PIBF1: variants seen among roughly 807,000 people sequenced by gnomAD.
The protein encoded by PIBF1 is progesterone immunomodulatory binding factor 1, also known as progesterone-induced-blocking factor 1.
PIBF1 carries 90 observed loss-of-function variants against 112.5 expected under a neutral mutation model. That is an observed-to-expected ratio of 0.80 (90% confidence interval 0.67 to 0.95). PIBF1 has a LOEUF of 0.95. PIBF1 is among the 40% of genes least tolerant of loss of function. PIBF1 has a pLI of 0.00. For missense variants in PIBF1, 915 were observed against 852.3 expected (o/e 1.07, Z -0.92); for synonymous variants, 301 against 288.6 (o/e 1.04, Z -0.44).
intron 17 of PIBF1, among the ~76,000 whole-genome samples, chr13:73,009,457 C>G (rs1163562135): frequency 6.6e-6 from 1 of 152,152 alleles, no homozygotes; most frequent in Admixed American, 6.6e-5. Flanking sequence ...TTTATATCCC[C>G]AGAACCTAAC....
intron 10 of PIBF1, among the ~76,000 whole-genome samples, chr13:72,866,859 A>G (rs2038950454): frequency 6.6e-6 from 1 of 151,974 alleles, no homozygotes; most frequent in Admixed American, 6.6e-5. Context: ...ATGTTTATGC[A>G]TAATGTGTAT....
chr13:72,920,841 C>T (rs994672411), intron 13 of PIBF1, among the ~76,000 whole-genome samples: 2 of 151,846 alleles, frequency 1.3e-5, no homozygotes, highest in African/African-American at 4.8e-5. Flanking sequence ...AAACTTAAGG[C>T]GAATGATAAA....
At chr13:72,994,671 A>G (rs2043590290) in intron 16 of PIBF1, among the ~76,000 whole-genome samples, 1 of 152,208 alleles carries the variant, frequency 6.6e-6, no homozygotes, top group South Asian at 2.1e-4. Context: ...TCAAATGCAA[A>G]CAATGAGAGC....
At chr13:72,834,193 A>G (rs985899911) in intron 8 of PIBF1, among the ~76,000 whole-genome samples, 3 of 152,174 alleles carry the variant, frequency 2.0e-5, no homozygotes, top group Admixed American at 6.5e-5. Flanking sequence ...ATGGTATCGC[A>G]TTGTGTTTTA....
chr13:72,987,850 A>ATTTT (rs1160979996), intron 16 of PIBF1, among the ~76,000 whole-genome samples: 4 of 66,432 alleles, frequency 6.0e-5, no homozygotes, highest in South Asian at 5.5e-4. Context: ...TTATTTATTT[A>ATTTT]TTTATTTATT....
intron 6 of PIBF1, among the ~76,000 whole-genome samples, chr13:72,825,884 A>G (rs1411459595): frequency 1.3e-5 from 2 of 150,292 alleles, no homozygotes; most frequent in Non-Finnish European, 3.0e-5. Context: ...AGGGCAATAT[A>G]GCAAGACCGT....
chr13:72,866,233 A>C (rs972574372), intron 10 of PIBF1, among the ~76,000 whole-genome samples: 5 of 152,174 alleles, frequency 3.3e-5, no homozygotes, highest in Non-Finnish European at 7.3e-5. Context: ...GCTTAACTTA[A>C]TCACATCTAC....
chr13:72,913,045 G>A (rs2040948859), intron 12 of PIBF1, among the ~76,000 whole-genome samples: 1 of 151,416 alleles, frequency 6.6e-6, no homozygotes, highest in Admixed American at 6.6e-5. Flanking sequence ...AAAAATCAAG[G>A]GGTGGGGGTA....
At chr13:72,940,721 G>T (rs1046708895) in intron 14 of PIBF1, among the ~76,000 whole-genome samples, 2 of 152,104 alleles carry the variant, frequency 1.3e-5, no homozygotes, top group Non-Finnish European at 2.9e-5. Flanking sequence ...AGGGTTTATC[G>T]TAAGGCCAAT....
chr13:72,964,222 AAGCAGAC>A (rs2042680781), intron 14 of PIBF1, among the ~76,000 whole-genome samples: 1 of 152,250 alleles, frequency 6.6e-6, no homozygotes, highest in Non-Finnish European at 1.5e-5. Flanking sequence ...TAAGTGAAAT[AAGCAGAC>A]AGCAAAGGAC....
intron 14 of PIBF1, among the ~76,000 whole-genome samples, chr13:72,941,731 A>T (rs2042014729): frequency 6.6e-6 from 1 of 152,182 alleles, no homozygotes; most frequent in South Asian, 2.1e-4. Flanking sequence ...CATAGGTAAA[A>T]TAAAGTAGAC....
intron 14 of PIBF1, among the ~76,000 whole-genome samples, chr13:72,954,672 CTGG>C (rs1187560301): frequency 1.3e-5 from 2 of 152,198 alleles, no homozygotes; most frequent in Non-Finnish European, 2.9e-5. Context: ...AGTGTGTGTT[CTGG>C]TGGCTGAGTC....
chr13:72,929,664 G>C (rs1365840227), intron 13 of PIBF1, among the ~76,000 whole-genome samples: 1 of 151,936 alleles, frequency 6.6e-6, no homozygotes, highest in Non-Finnish European at 1.5e-5. Flanking sequence ...AAAATTGTAT[G>C]TCAGTAAAGT....
At chr13:72,791,807 A>G (rs1278816640) in intron 2 of PIBF1, among the ~76,000 whole-genome samples, 2 of 151,528 alleles carry the variant, frequency 1.3e-5, no homozygotes, top group Non-Finnish European at 2.9e-5. Context: ...TAATTTTTGT[A>G]TTTTTTAGTA....
intron 9 of PIBF1, among the ~76,000 whole-genome samples, chr13:72,849,290 T>A (rs1200953574): frequency 6.6e-6 from 1 of 152,228 alleles, no homozygotes; most frequent in Non-Finnish European, 1.5e-5. Context: ...ACACTTATCT[T>A]TCTTTGTTAT....
At chr13:72,799,802 G>A (rs946476201) in intron 5 of PIBF1, among the ~76,000 whole-genome samples, 1 of 152,118 alleles carries the variant, frequency 6.6e-6, no homozygotes, top group African/African-American at 2.4e-5. Context: ...TTCTTACTGT[G>A]TAGTAGGAGG....
At chr13:72,883,408 T>C (rs546018050) in intron 10 of PIBF1, among the ~76,000 whole-genome samples, 3 of 152,272 alleles carry the variant, frequency 2.0e-5, no homozygotes, top group East Asian at 1.9e-4. Context: ...TAAGATTTAT[T>C]TGGAAGCACA....
chr13:72,913,763 A>G (rs2040981785), intron 12 of PIBF1, among the ~76,000 whole-genome samples: 1 of 149,722 alleles, frequency 6.7e-6, no homozygotes, highest in African/African-American at 2.4e-5. Context: ...CTCTGTCTCA[A>G]AAAAAAAAAA....
intron 4 of PIBF1, among the ~76,000 whole-genome samples, 194 bp from the exon 5 acceptor site, chr13:72,797,713 A>T (rs769192798): frequency 3.9e-5 from 6 of 152,176 alleles, no homozygotes; most frequent in African/African-American, 1.4e-4. Context: ...GTTATAAATC[A>T]TCTGGCCCTT....
Sources: allele counts gnomAD v4.1 joint callset (sites outside exome capture counted in the v4.1 genomes callset), GRCh38; gene constraint gnomAD v4.1.1; transcripts MANE v1.5; gene names NCBI Gene and HGNC (gene_info 2026-07-23, HGNC 2026-07-21).